The following EP300 variants were observed in gnomAD, a reference collection of about 807,000 sequenced individuals.
EP300 encodes the protein EP300 lysine acetyltransferase.
Under a neutral mutation model 264.0 loss-of-function variants are expected in EP300, and 31 were observed. The ratio of observed to expected loss-of-function variants is 0.12; its 90% CI spans 0.09 to 0.16. The LOEUF (loss-of-function observed/expected upper bound fraction) is 0.16. EP300 is among the 10% of genes least tolerant of loss of function. EP300 has a pLI of 1.00. For synonymous variants in EP300, 1,340 were observed against 1,045.4 expected, an observed-to-expected ratio of 1.28 and a Z score of -5.44; for missense variants, 2,766 against 3,052.9, an observed-to-expected ratio of 0.91 and a Z score of 2.21.
intron 17 of EP300, among the ~76,000 whole-genome samples, chr22:41,156,654 G>A (rs2059079078): frequency 6.6e-6 from 1 of 152,166 alleles, no homozygotes; most frequent in African/African-American, 2.4e-5. Context: ...GACCCTGGGA[G>A]GCAGAGGTTG....
Position 41,176,890 on chromosome 22 carries a change from C to T in EP300, c.5179C>T (p.Pro1727Ser), listed in dbSNP as rs886057564. The T allele has an allele frequency of 1.4e-5, 23 of 1,614,132 alleles. No individual in the cohort carries two copies. The highest frequency in any genetic ancestry group is 1.9e-5 in the Non-Finnish European group (23 of 1,179,996). ...CCAGCAGGCTGCAGCCACCCAGAGC[C>T]CAGGCGATTCTCGCCGCCTGAGTAT... ...NNQQAAATQS[P>S]GDSRRLSIQR... The change falls in exon 31 of 31, where the codon CCA (proline) becomes TCA (serine). Residue 1727 changes from proline to serine, a missense_variant. Transcript: ENST00000263253.
chr22:41,149,232 G>A (rs2145736404), intron 13 of EP300, 57 bp downstream of exon 13: 4 of 1,606,764 alleles, frequency 2.5e-6, no homozygotes, highest in East Asian at 2.2e-5. Context: ...TTCTCTTGAT[G>A]TAGGTTTTTA....
intron 17 of EP300, among the ~76,000 whole-genome samples, chr22:41,156,580 G>A (rs564304910): frequency 6.6e-6 from 1 of 152,166 alleles, no homozygotes; most frequent in South Asian, 2.1e-4. Flanking sequence ...AAGTAACTGG[G>A]CGTGGTGGTG....
At position 41,177,760 on chromosome 22, in the gene EP300, T is replaced by C. The variant is rs1349363022; in HGVS notation, c.6049T>C (p.Ser2017Pro). The C allele has an allele frequency of 3.7e-6, 6 of 1,613,914 alleles. No homozygotes were observed. Among genetic ancestry groups the C allele is most frequent in the Non-Finnish European group, 5.1e-6 (6 of 1,180,022 alleles). ...QSGMPRPAMM[S>P]VAQHGQPLNM... is the part of the protein sequence containing the mutation. ...TGGGATGCCAAGGCCAGCCATGATG[T>C]CAGTGGCCCAGCATGGTCAACCTTT... is the stretch of plus-strand genomic sequence containing the variant. The change falls in exon 31 of 31, where the codon TCA (serine) becomes CCA (proline). Residue 2017 changes from serine to proline, a missense_variant. Transcript: ENST00000263253.
At chr22:41,101,476 A>T (rs1420845985) in intron 1 of EP300, among the ~76,000 whole-genome samples, 4 of 147,270 alleles carry the variant, frequency 2.7e-5, no homozygotes, top group Non-Finnish European at 4.5e-5. Context: ...CAGTGACACG[A>T]TCTCGGCTCA....
At chr22:41,094,678 CTT>C (rs1367778706) in intron 1 of EP300, among the ~76,000 whole-genome samples, 4 of 152,196 alleles carry the variant, frequency 2.6e-5, no homozygotes, top group South Asian at 2.1e-4. Flanking sequence ...TCTTTAGAGA[CTT>C]AATCACCTGT....
chr22:41,117,940 G>T, intron 2 of EP300, 119 bp downstream of exon 2: 1 of 1,512,402 alleles, frequency 6.6e-7, no homozygotes, highest in Non-Finnish European at 9.0e-7. Flanking sequence ...GGAATTTACT[G>T]TGCTGTCATA....
chr22:41,178,176 G>A lies in EP300; in HGVS notation c.6465G>A (p.Gln2155=). Residue 2155 remains glutamine (Q), a synonymous_variant, in exon 31 of 31, where the codon CAG becomes CAA. Coordinates refer to ENST00000263253, the MANE Select transcript of EP300 (RefSeq NM_001429.4). ...LPQQQPQQQL[Q]PPMGGMSPQA... ...AGCAGCAACCACAGCAGCAACTCCA[G>A]CCACCCATGGGAGGGATGAGCCCCC... 6.2e-7 allele frequency: 1 copy of A among 1,614,160 alleles called. No homozygotes were observed. Among genetic ancestry groups the A allele is most frequent in the Non-Finnish European group, 8.5e-7 (1 of 1,180,032 alleles).
At position 41,152,315 on chromosome 22, in the gene EP300, A is replaced by G. The variant is rs748555887; in HGVS notation, c.3107A>G (p.Gln1036Arg). The change falls in exon 16 of 31, where the codon CAG becomes CGG. Residue 1036 changes from glutamine to arginine, a missense_variant. Coordinates refer to ENST00000263253, the MANE Select transcript of EP300 (RefSeq NM_001429.4). ...EEDQPSTSAT[Q>R]SSPAPGQSKK... ...GACCAGCCAAGTACTTCAGCTACCC[A>G]GTCATCTCCGGCTCCAGGACAGTCA... 5.0e-6 allele frequency: 8 copies of G among 1,613,998 alleles called. No individual in the cohort carries two copies. The highest frequency in any genetic ancestry group is 2.2e-5 in the South Asian group (2 of 91,074).
At chr22:41,148,852 C>A (rs978411023) in intron 12 of EP300, 186 bp from the exon 13 acceptor site, 1 of 691,570 alleles carries the variant, frequency 1.4e-6, no homozygotes, top group Non-Finnish European at 2.4e-6. Context: ...TTCTCTTTAT[C>A]TTGGCACAAG....
intron 16 of EP300, among the ~76,000 whole-genome samples, chr22:41,153,164 A>C (rs982687204): frequency 5.9e-5 from 9 of 152,218 alleles, no homozygotes; most frequent in Admixed American, 3.9e-4. Context: ...GCCAGGAAGC[A>C]GACCCAGGCA....
rs1374644901 is a variant in EP300, at chr22:41,178,094, C to T, written c.6383C>T (p.Pro2128Leu). The change falls in exon 31 of 31, where the codon CCA (proline) becomes CTA (leucine). Residue 2128 changes from proline to leucine, a missense_variant. Pro to Leu is a moderately conservative substitution (Grantham distance 98, BLOSUM62 -3). Coordinates refer to ENST00000263253, the MANE Select transcript of EP300 (RefSeq NM_001429.4). ...MPGQQGVHSN[P>L]AMQNMNPMQA... ...GGTCAGCAGGGGGTCCACTCCAATC[C>T]AGCCATGCAGAACATGAATCCAATG... 4 of 1,614,142 alleles carry T rather than the reference C, an allele frequency of 2.5e-6. No homozygotes were observed. The Admixed American group carries it at 5.0e-5, about 20-fold the overall frequency.
In EP300 at chr22:41,141,089, C is replaced by T. The variant is rs2145725968; in HGVS notation, c.1920C>T (p.Ile640=). The T allele has an allele frequency of 6.2e-7, 1 of 1,613,988 alleles. No homozygotes were observed. Among genetic ancestry groups the T allele is most frequent in the Non-Finnish European group, 8.5e-7 (1 of 1,179,986 alleles). The change falls in exon 10 of 31, where the codon ATC becomes ATT. Residue 640 remains isoleucine (I), a synonymous_variant. Transcript: ENST00000263253. The part of the protein sequence containing the change: ...YHLLAEKIYK[I]QKELEEKRRT... ...TTCTAGCTGAGAAAATCTATAAGAT[C>T]CAGAAAGAACTAGAAGAAAAACGAA...
Position 41,179,116 on chromosome 22 carries a change from G to C in EP300, c.*160G>C. On this transcript the variant is annotated 3_prime_UTR_variant, in exon 31 of 31. Transcript: ENST00000263253. ...GCCGTTTGTGGTTTAAAGCAAACAT[G>C]CAAGATGAACCTGAGGGATGATAGA... is the stretch of plus-strand genomic sequence containing the variant. 1 of 762,670 alleles carries C rather than the reference G, an allele frequency of 1.3e-6. No individual in the cohort carries two copies. Among genetic ancestry groups the C allele is most frequent in the Non-Finnish European group, 2.1e-6 (1 of 478,192 alleles). The allele number at this position is 762,670 out of a possible 1,614,324, so 47.2% of individuals were successfully genotyped here.
chr22:41,131,674 C>T (rs377609140), intron 6 of EP300, 41 bp downstream of exon 6: 50 of 1,613,174 alleles, frequency 3.1e-5, no homozygotes, highest in African/African-American at 2.0e-4. Context: ...TTGGTTGTGT[C>T]AGTAAATGAC....
At chr22:41,130,103 G>A (rs2058909037) in intron 5 of EP300, 100 bp downstream of exon 5, 1 of 858,254 alleles carries the variant, frequency 1.2e-6, no homozygotes, top group Admixed American at 2.0e-5. Context: ...CTGTGGTGTT[G>A]TACTATGTTG....
chr22:41,156,993 A>G (rs751874384), intron 17 of EP300, among the ~76,000 whole-genome samples, 176 bp from the exon 18 acceptor site: 2 of 152,178 alleles, frequency 1.3e-5, no homozygotes, highest in South Asian at 2.1e-4. Context: ...GAGTAGTTTA[A>G]TATCTCTGTA....
intron 23 of EP300, 97 bp downstream of exon 23, chr22:41,166,763 A>G (rs904558979): frequency 2.7e-6 from 2 of 736,322 alleles, no homozygotes; most frequent in Non-Finnish European, 4.5e-6. Flanking sequence ...AATCACAGTA[A>G]TAGAGTAAAA....
intron 18 of EP300, 104 bp downstream of exon 18, chr22:41,157,512 CTTT>C (rs1214250106): frequency 8.2e-3 from 3,615 of 439,340 alleles, no homozygotes; most frequent in East Asian, 0.016. Context: ...TTTGACATGG[CTTT>C]TTTTTTTTTT....
Sources: allele counts gnomAD v4.1 joint callset (sites outside exome capture counted in the v4.1 genomes callset), GRCh38; gene constraint gnomAD v4.1.1; transcripts MANE v1.5; gene names NCBI Gene and HGNC (gene_info 2026-07-23, HGNC 2026-07-21).